Variants in KCNH8 observed in about 807,000 individuals in gnomAD.
KCNH8 encodes potassium voltage-gated channel subfamily H member 8.
A neutral mutation model predicts 103.6 loss-of-function variants in KCNH8; 70 were observed. The observed-to-expected ratio is 0.68, with a 90% CI of 0.56 to 0.82. The LOEUF is 0.82. Among genes scored for constraint, KCNH8 ranks in the 40% least tolerant of loss-of-function variants. The pLI, the probability that KCNH8 is intolerant of heterozygous loss-of-function variation, is 0.00. For missense variants in KCNH8, 1,217 were observed against 1,329.9 expected (o/e 0.92, Z 1.32); for synonymous variants, 498 against 489.4 (o/e 1.02, Z -0.23).
intron 1 of KCNH8, among the ~76,000 whole-genome samples, chr3:19,185,966 G>T (rs2063498462): frequency 6.6e-6 from 1 of 151,942 alleles, no homozygotes; most frequent in African/African-American, 2.4e-5. Flanking sequence ...GCTTCAAAAT[G>T]TAAGTTAATA....
chr3:19,490,004 C>T (rs1042802621), intron 11 of KCNH8, among the ~76,000 whole-genome samples: 1 of 152,202 alleles, frequency 6.6e-6, no homozygotes, highest in Non-Finnish European at 1.5e-5. Flanking sequence ...AGTTCCTTCC[C>T]GGTGTTCAGC....
chr3:19,461,012 T>A (rs772755539), intron 11 of KCNH8, among the ~76,000 whole-genome samples: 9 of 152,198 alleles, frequency 5.9e-5, no homozygotes, highest in Non-Finnish European at 1.2e-4. Context: ...AATTCCTTTA[T>A]AAATTACCCA....
chr3:19,311,637 G>T (rs9843569), intron 3 of KCNH8, among the ~76,000 whole-genome samples: 10 of 151,604 alleles, frequency 6.6e-5, no homozygotes, highest in Admixed American at 6.6e-4. Context: ...TGTAGTTTTG[G>T]TGGAGGGCAG....
chr3:19,521,964 T>C (rs777186807), intron 15 of KCNH8, among the ~76,000 whole-genome samples: 1 of 151,842 alleles, frequency 6.6e-6, no homozygotes, highest in Non-Finnish European at 1.5e-5. Flanking sequence ...CATAACCATA[T>C]CTGCATTTAT....
intron 1 of KCNH8, among the ~76,000 whole-genome samples, chr3:19,164,538 T>A (rs1431035072): frequency 6.6e-6 from 1 of 152,196 alleles, no homozygotes; most frequent in African/African-American, 2.4e-5. Flanking sequence ...AGTCACACAT[T>A]TTGTAAGTAG....
Position 19,253,672 on chromosome 3 carries a change from C to T in KCNH8, c.95C>T (p.Ala32Val). ...TCTATAGATAGCAACTTCATCCTTG[C>T]CAATGCCCAGGTGGCTAAGGGTTTC... ...FDGTHSNFILANAQVAKGFPI... is the reference protein window; with the variant it reads ...FDGTHSNFILVNAQVAKGFPI... Residue 32 changes from alanine to valine, a missense_variant, in exon 2 of 16, where the codon GCC (alanine) becomes GTC (valine). Coordinates refer to ENST00000328405, the MANE Select transcript of KCNH8 (RefSeq NM_144633.3). The T allele has an allele frequency of 6.2e-7, 1 of 1,613,194 alleles. No individual in the cohort carries two copies. The highest frequency in any genetic ancestry group is 8.5e-7 in the Non-Finnish European group (1 of 1,179,518).
At chr3:19,240,467 C>T (rs979755791) in intron 1 of KCNH8, among the ~76,000 whole-genome samples, 2 of 151,900 alleles carry the variant, frequency 1.3e-5, no homozygotes, top group Admixed American at 6.6e-5. Flanking sequence ...ACAAAATTAG[C>T]CAGGCATGGT....
chr3:19,201,346 A>G (rs922444799), intron 1 of KCNH8, among the ~76,000 whole-genome samples: 1 of 149,954 alleles, frequency 6.7e-6, no homozygotes, highest in African/African-American at 2.4e-5. Context: ...TCAAGTTTCA[A>G]GTTTTCATTG....
chr3:19,186,554 A>G (rs1044637816), intron 1 of KCNH8, among the ~76,000 whole-genome samples: 1 of 152,034 alleles, frequency 6.6e-6, no homozygotes, highest in Admixed American at 6.6e-5. Context: ...AGGTGGAGGC[A>G]GGGAGAATAA....
At chr3:19,400,333 C>T (rs374472147) in intron 7 of KCNH8, among the ~76,000 whole-genome samples, 2 of 146,358 alleles carry the variant, frequency 1.4e-5, no homozygotes, top group East Asian at 2.1e-4. Flanking sequence ...TGTAACAAAT[C>T]TGTGTTCCTT....
chr3:19,313,402 C>G (rs1223429878), intron 3 of KCNH8, among the ~76,000 whole-genome samples: 2 of 151,882 alleles, frequency 1.3e-5, no homozygotes, highest in African/African-American at 4.8e-5. Flanking sequence ...TGCAATTTTT[C>G]CAGCTACAGT....
rs375658876 is a variant in KCNH8 at position 19,324,191 on chromosome 3, T to C, written c.443-18396T>C. 3.9e-5 allele frequency among the ~76,000 whole-genome samples: 6 copies of C among 152,268 alleles called. No homozygotes were observed. In the East Asian group the frequency reaches 9.7e-4, roughly 25 times the overall value. ...GTCTTGGTGTGGCTGCTGTGGCTGA[T>C]GGGAGTGTGGTTTCCAGGCGAATGG... On this transcript the variant is annotated intron_variant, in intron 3 of 15. Coordinates refer to ENST00000328405, the MANE Select transcript of KCNH8 (RefSeq NM_144633.3).
chr3:19,510,692 A>C (rs938153680), intron 12 of KCNH8, among the ~76,000 whole-genome samples: 7 of 152,238 alleles, frequency 4.6e-5, no homozygotes, highest in African/African-American at 1.7e-4. Context: ...CATTGCATTT[A>C]AAATTGGCAG....
At chr3:19,297,214 C>T (rs2125286457) in intron 3 of KCNH8, among the ~76,000 whole-genome samples, 3 of 152,266 alleles carry the variant, frequency 2.0e-5, no homozygotes, top group Middle Eastern at 3.4e-3. Context: ...CACATTGGAA[C>T]ACATTTTTGA....
intron 8 of KCNH8, among the ~76,000 whole-genome samples, chr3:19,439,973 T>A (rs1221724914): frequency 1.4e-5 from 2 of 147,714 alleles, no homozygotes; most frequent in African/African-American, 5.0e-5. Context: ...GGGAGAGAGA[T>A]AAAGGATGGA....
intron 2 of KCNH8, among the ~76,000 whole-genome samples, chr3:19,255,447 A>G (rs2064334855): frequency 1.3e-5 from 2 of 152,054 alleles, no homozygotes; most frequent in African/African-American, 4.8e-5. Flanking sequence ...CTATTTGAAT[A>G]CCCTGTATTC....
intron 7 of KCNH8, among the ~76,000 whole-genome samples, chr3:19,405,349 G>C (rs1012374279): frequency 1.3e-5 from 2 of 151,548 alleles, no homozygotes; most frequent in African/African-American, 4.8e-5. Flanking sequence ...TTATTTTATA[G>C]AAATATCAAA....
At chr3:19,462,547 T>A (rs2067654538) in intron 11 of KCNH8, among the ~76,000 whole-genome samples, 1 of 152,210 alleles carries the variant, frequency 6.6e-6, no homozygotes, top group Non-Finnish European at 1.5e-5. Context: ...ATTAGCCCTT[T>A]GTCAGGTGGG....
intron 1 of KCNH8, among the ~76,000 whole-genome samples, chr3:19,235,113 CTT>C (rs1283164308): frequency 6.6e-6 from 1 of 152,138 alleles, no homozygotes; most frequent in Non-Finnish European, 1.5e-5. Flanking sequence ...GAACTTAACT[CTT>C]GTTTGTATCA....
Sources: allele counts gnomAD v4.1 joint callset (sites outside exome capture counted in the v4.1 genomes callset), GRCh38; gene constraint gnomAD v4.1.1; transcripts MANE v1.5; gene names NCBI Gene and HGNC (gene_info 2026-07-23, HGNC 2026-07-21).